Variants in CEP57L1 observed in about 807,000 individuals in gnomAD.
The protein encoded by CEP57L1 is centrosomal protein 57 like 1, also known as centrosomal protein CEP57L1.
A neutral mutation model predicts 61.0 loss-of-function variants in CEP57L1; 37 were observed. That is an observed-to-expected ratio of 0.61 (90% confidence interval 0.47 to 0.80). The LOEUF is 0.80. CEP57L1 is among the 30% of genes least tolerant of loss of function. CEP57L1 has a pLI of 0.00. For synonymous variants in CEP57L1, 137 were observed against 162.3 expected (o/e 0.84, Z 1.19); for missense variants, 422 against 524.7 (o/e 0.80, Z 1.91).
chr6:109,109,724 G>T (rs1444114845), intron 1 of CEP57L1, among the ~76,000 whole-genome samples: 1 of 152,114 alleles, frequency 6.6e-6, no homozygotes, highest in Admixed American at 6.6e-5. Context: ...GGTGAGTGAT[G>T]TTCCCCTCCC....
intron 1 of CEP57L1, among the ~76,000 whole-genome samples, chr6:109,118,321 G>A (rs1772551905): frequency 6.6e-6 from 1 of 152,216 alleles, no homozygotes; most frequent in Admixed American, 6.5e-5. Flanking sequence ...ACAGGCGTGA[G>A]CCTGGCCAGT....
chr6:109,135,145 G>C (rs1435491843), intron 1 of CEP57L1, among the ~76,000 whole-genome samples: 2 of 152,100 alleles, frequency 1.3e-5, no homozygotes, highest in African/African-American at 4.8e-5. Flanking sequence ...GAGGCATCAT[G>C]CTACCTGACT....
rs1312339302 is a variant in CEP57L1 at position 109,103,452 on chromosome 6, G to A, written c.-4+7877G>A. ...TCGATTTGAATTCCTTAACAAGATT[G>A]ATTTGAATGATATTCTTTTCAGCCC... On this transcript the variant is annotated intron_variant, in intron 1 of 10. Transcript: ENST00000517392. Among the ~76,000 whole-genome samples, 5 of 152,110 alleles carry A rather than the reference G, an allele frequency of 3.3e-5. No homozygotes were observed. The East Asian group carries it at 9.6e-4, about 29-fold the overall frequency.
At chr6:109,132,597 T>G (rs1774314654) in intron 1 of CEP57L1, among the ~76,000 whole-genome samples, 1 of 152,230 alleles carries the variant, frequency 6.6e-6, no homozygotes, top group Non-Finnish European at 1.5e-5. Context: ...ATGTAAAAGT[T>G]TCTCTAAGAC....
At chr6:109,159,169 A>G in intron 8 of CEP57L1, 67 bp downstream of exon 8, 3 of 1,613,774 alleles carry the variant, frequency 1.9e-6, no homozygotes, top group South Asian at 1.1e-5. Flanking sequence ...TGCTATTTAA[A>G]TATCTTCAGT....
At chr6:109,155,179 A>G (rs2114932385) in intron 5 of CEP57L1, 51 bp from the exon 6 acceptor site, 9 of 1,133,256 alleles carry the variant, frequency 7.9e-6, no homozygotes, top group Non-Finnish European at 1.0e-5. Flanking sequence ...GAAACAAATG[A>G]TATTTGGCTC....
chr6:109,127,695 G>C (rs1773720275), intron 1 of CEP57L1, among the ~76,000 whole-genome samples: 1 of 151,426 alleles, frequency 6.6e-6, no homozygotes, highest in African/African-American at 2.4e-5. Context: ...GTCTCGGCTT[G>C]CTGCAACCTC....
chr6:109,149,540 A>C (rs1262350505), intron 3 of CEP57L1, among the ~76,000 whole-genome samples: 1 of 152,104 alleles, frequency 6.6e-6, no homozygotes, highest in Non-Finnish European at 1.5e-5. Flanking sequence ...TATAGTTTGA[A>C]GTCAGGTAGC....
chr6:109,158,359 C>T (rs1397821326), intron 7 of CEP57L1: 1 of 250,906 alleles, frequency 4.0e-6, no homozygotes, highest in Non-Finnish European at 7.8e-6. Context: ...AGTAGTGGCA[C>T]ACACCTGTAA....
At chr6:109,133,445 T>C (rs2114777284) in intron 1 of CEP57L1, among the ~76,000 whole-genome samples, 1 of 152,260 alleles carries the variant, frequency 6.6e-6, no homozygotes, top group South Asian at 2.1e-4. Context: ...TGACCTTCAC[T>C]TACCTCCTGC....
At position 109,165,093 on chromosome 6, in the gene CEP57L1, A is replaced by T. The variant is rs1226405125; in HGVS notation, c.*2123A>T. ...CTCTGTCTCAAAAAAAAAAAAAAAA[A>T]TTAAAACCATTTTAGGAACATGGAA... On this transcript the variant is annotated 3_prime_UTR_variant, in exon 11 of 11. Transcript: ENST00000517392. Among the ~76,000 whole-genome samples, 3 of 151,428 alleles carry T rather than the reference A, an allele frequency of 2.0e-5. No homozygotes were observed. The highest frequency in any genetic ancestry group is 6.6e-5 in the Admixed American group (1 of 15,206).
rs1044267132 is a variant in CEP57L1 at position 109,165,187 on chromosome 6, G to A, written c.*2217G>A. On this transcript the variant is annotated 3_prime_UTR_variant, in exon 11 of 11. Transcript: ENST00000517392. Reference sequence around the variant, plus strand: ...GAAAAAACCACAACTTCAGAGCTAGGAAACTTGGTTTCAAATTCTGGGACT... The same window carrying A: ...GAAAAAACCACAACTTCAGAGCTAGAAAACTTGGTTTCAAATTCTGGGACT... 6.6e-6 allele frequency among the ~76,000 whole-genome samples: 1 copy of A among 152,004 alleles called. No individual in the cohort carries two copies. Among genetic ancestry groups the A allele is most frequent in the Non-Finnish European group, 1.5e-5 (1 of 68,014 alleles).
At chr6:109,098,250 T>A (rs1417910645) in intron 1 of CEP57L1, among the ~76,000 whole-genome samples, 1 of 152,032 alleles carries the variant, frequency 6.6e-6, no homozygotes, top group East Asian at 1.9e-4. Flanking sequence ...CAAGTTTAAG[T>A]GATTCTTCGT....
chr6:109,154,850 T>C (rs1035313453), intron 5 of CEP57L1, among the ~76,000 whole-genome samples: 2 of 152,078 alleles, frequency 1.3e-5, no homozygotes, highest in African/African-American at 4.8e-5. Flanking sequence ...TATATGCAAA[T>C]AGTAGAATTT....
intron 1 of CEP57L1, among the ~76,000 whole-genome samples, chr6:109,100,870 G>T (rs1231903312): frequency 6.6e-6 from 1 of 152,084 alleles, no homozygotes; most frequent in East Asian, 1.9e-4. Flanking sequence ...ACTTTGGGAG[G>T]CTGAGGCAGG....
chr6:109,100,296 AT>A (rs1782218265), intron 1 of CEP57L1: 1 of 152,204 alleles, frequency 6.6e-6, no homozygotes. Flanking sequence ...GGTATGGCAT[AT>A]TTATCTATCA....
At position 109,167,074 on chromosome 6, in the gene CEP57L1, A is replaced by G. The variant is rs1237609514; in HGVS notation, c.*4104A>G. ...AAGTGAGATGAGGATAAATAAAAAT[A>G]ATATTGACTGTCACTCATCTGAAAA... On this transcript the variant is annotated 3_prime_UTR_variant, in exon 11 of 11. Transcript: ENST00000517392. 2.6e-5 allele frequency among the ~76,000 whole-genome samples: 4 copies of G among 151,910 alleles called. No homozygotes were observed.
chr6:109,122,567 C>T (rs1292281637), intron 1 of CEP57L1, among the ~76,000 whole-genome samples: 6 of 152,058 alleles, frequency 3.9e-5, no homozygotes, highest in Non-Finnish European at 8.8e-5. Context: ...CTTTGGGAGG[C>T]CGAGGTGGGA....
intron 4 of CEP57L1, among the ~76,000 whole-genome samples, chr6:109,151,296 T>A (rs1225805433): frequency 6.6e-6 from 1 of 152,202 alleles, no homozygotes; most frequent in Non-Finnish European, 1.5e-5. Context: ...ACAGCCAAAG[T>A]ATTCTGAAGA....
Sources: allele counts gnomAD v4.1 joint callset (sites outside exome capture counted in the v4.1 genomes callset), GRCh38; gene constraint gnomAD v4.1.1; transcripts MANE v1.5; gene names NCBI Gene and HGNC (gene_info 2026-07-23, HGNC 2026-07-21).